FAM120B: variants seen among roughly 807,000 people sequenced by gnomAD.
The protein encoded by FAM120B is constitutive coactivator of peroxisome proliferator-activated receptor gamma.
FAM120B carries 83 observed loss-of-function variants against 96.3 expected under a neutral mutation model. The observed-to-expected ratio is 0.86, with a 90% CI of 0.72 to 1.03. The LOEUF (loss-of-function observed/expected upper bound fraction) is 1.03. Among genes scored for constraint, FAM120B ranks in the 50% least tolerant of loss-of-function variants. The pLI is 0.00. For missense variants in FAM120B, 1,027 were observed against 1,121.2 expected (o/e 0.92, Z 1.20); for synonymous variants, 407 against 402.7 (o/e 1.01, Z -0.13).
At chr6:170,388,571 T>C (rs1790323289) in intron 7 of FAM120B, 78 bp downstream of exon 7, 1 of 1,272,096 alleles carries the variant, frequency 7.9e-7, no homozygotes, top group African/African-American at 1.5e-5. Flanking sequence ...AAGTCGGCTG[T>C]TGCATTTTTC....
chr6:170,390,878 G>A (rs1397922656), intron 7 of FAM120B, 135 bp from the exon 8 acceptor site: 1 of 700,950 alleles, frequency 1.4e-6, no homozygotes, highest in Non-Finnish European at 2.6e-6. Context: ...TCTGGGAGGA[G>A]GGTGCAGCCA....
At chr6:170,388,245 A>T in intron 6 of FAM120B, 42 bp from the exon 7 acceptor site, 1 of 1,558,920 alleles carries the variant, frequency 6.4e-7, no homozygotes, top group Non-Finnish European at 8.8e-7. Flanking sequence ...TGCATGTGTG[A>T]CTCCTGTCTT....
chr6:170,396,972 G>C (rs910864563), intron 9 of FAM120B, among the ~76,000 whole-genome samples: 1 of 152,268 alleles, frequency 6.6e-6, no homozygotes, highest in South Asian at 2.1e-4. Context: ...TGCATGTGCT[G>C]TGGCTTTCCA....
chr6:170,340,096 T>C (rs530452741), intron 4 of FAM120B, among the ~76,000 whole-genome samples: 256 of 152,322 alleles, frequency 1.7e-3, no homozygotes, highest in Non-Finnish European at 3.0e-3. Context: ...TCCAACCTGG[T>C]TCCATTCTCC....
rs574898558 is a variant in FAM120B at position 170,329,671 on chromosome 6, T to G, written c.1916-778T>G. Among the ~76,000 whole-genome samples the G allele has an allele frequency of 2.6e-5, 4 of 152,278 alleles. No homozygotes were observed. In the South Asian group the frequency reaches 8.3e-4, roughly 32 times the overall value. On this transcript the variant is annotated intron_variant, in intron 3 of 10. Transcript: ENST00000476287. ...GCGAATCTCTGTTGTCTCAGTTCTC[T>G]CCTGGAAGTGCTGTGAAATGCAGGT... is the stretch of plus-strand genomic sequence containing the variant.
At chr6:170,291,172 T>A (rs1783860289), upstream of FAM120B, 2 of 410,664 alleles carry the variant, frequency 4.9e-6, no homozygotes, top group Non-Finnish European at 9.2e-6. Flanking sequence ...CCTTCCTCCC[T>A]CACCACACAA....
intron 6 of FAM120B, among the ~76,000 whole-genome samples, chr6:170,385,071 C>G (rs1790114902): frequency 6.6e-6 from 1 of 152,188 alleles, no homozygotes; most frequent in South Asian, 2.1e-4. Flanking sequence ...GGAAATCTAC[C>G]AGAATTGACT....
At chr6:170,374,573 G>A (rs898181676) in intron 6 of FAM120B, among the ~76,000 whole-genome samples, 2 of 152,172 alleles carry the variant, frequency 1.3e-5, no homozygotes, top group East Asian at 1.9e-4. Flanking sequence ...TTACCCACAC[G>A]TAACACTCGT....
At chr6:170,300,546 G>A (rs932373876) in intron 1 of FAM120B, among the ~76,000 whole-genome samples, 1 of 152,124 alleles carries the variant, frequency 6.6e-6, no homozygotes, top group African/African-American at 2.4e-5. Context: ...GTCCCCCAAA[G>A]TCTTAACTCA....
chr6:170,394,102 TC>T (rs1390492178), intron 8 of FAM120B, among the ~76,000 whole-genome samples: 1 of 152,132 alleles, frequency 6.6e-6, no homozygotes, highest in African/African-American at 2.4e-5. Flanking sequence ...ATGTCACCAG[TC>T]CTGCAGACCA....
At chr6:170,328,350 A>G (rs1042708816) in intron 3 of FAM120B, among the ~76,000 whole-genome samples, 24 of 152,228 alleles carry the variant, frequency 1.6e-4, no homozygotes, top group African/African-American at 5.5e-4. Context: ...TCAAGGCTTC[A>G]CCAGAAATGT....
chr6:170,404,311 G>C (rs9295406), intron 9 of FAM120B: 51,899 of 497,094 alleles, frequency 0.1, 3,297 homozygotes, highest in African/African-American at 0.21. Context: ...CTGGTGTGAA[G>C]AGGAACAACT....
intron 6 of FAM120B, among the ~76,000 whole-genome samples, chr6:170,383,920 A>G (rs879939458): frequency 1.3e-5 from 2 of 152,224 alleles, no homozygotes; most frequent in African/African-American, 4.8e-5. Flanking sequence ...CATCCATGCC[A>G]TGAAGCACAA....
chr6:170,322,793 A>T (rs1785378866), intron 2 of FAM120B, among the ~76,000 whole-genome samples: 1 of 152,126 alleles, frequency 6.6e-6, no homozygotes, highest in African/African-American at 2.4e-5. Context: ...AGAAGTAGTG[A>T]GCACCTGGTT....
intron 4 of FAM120B, among the ~76,000 whole-genome samples, chr6:170,333,773 A>G (rs1786226085): frequency 6.7e-6 from 1 of 149,892 alleles, no homozygotes; most frequent in Non-Finnish European, 1.5e-5. Context: ...GGCGTCAGCC[A>G]CTGCCCAGCG....
At chr6:170,364,842 C>G (rs1788672441) in intron 6 of FAM120B, among the ~76,000 whole-genome samples, 1 of 152,236 alleles carries the variant, frequency 6.6e-6, no homozygotes, top group African/African-American at 2.4e-5. Flanking sequence ...TCTCACCCCT[C>G]TGTTACCTGG....
chr6:170,325,535 T>TA (rs5881868), intron 3 of FAM120B, among the ~76,000 whole-genome samples: 28,359 of 139,092 alleles, frequency 0.2, 3,442 homozygotes, highest in East Asian at 0.59. Flanking sequence ...GATTTACCTT[T>TA]AAAAAAAAAA....
At position 170,295,388 on chromosome 6, in the gene FAM120B, G is replaced by A. The variant is rs756508031; in HGVS notation, c.-18G>A. 1 of 701,142 alleles carries A rather than the reference G, an allele frequency of 1.4e-6. No homozygotes were observed. Among genetic ancestry groups the A allele is most frequent in the Non-Finnish European group, 2.6e-6 (1 of 384,366 alleles). The allele number at this position is 701,142 out of a possible 1,614,324, so 43.4% of individuals were successfully genotyped here. On this transcript the variant is annotated 5_prime_UTR_variant, in exon 1 of 11. Transcript: ENST00000537664. This position sits in a 1 kb window ranked among gnomAD's most constrained non-coding sequence, Gnocchi z 7.8. ...GTTCGTCACAGCCTGGAAAAGGGAG[G>A]GGGCATCGATCTGGTTTATGTTTGG... is the stretch of plus-strand genomic sequence containing the variant.
Position 170,300,731 on chromosome 6 carries a change from C to T in FAM120B, c.48+5278C>T, listed in dbSNP as rs535934418. 1.3e-4 allele frequency among the ~76,000 whole-genome samples: 20 copies of T among 152,328 alleles called. No homozygotes were observed. The South Asian group carries it at 3.3e-3, about 25-fold the overall frequency. On this transcript the variant is annotated intron_variant, in intron 1 of 10. Coordinates refer to the FAM120B transcript ENST00000537664. The stretch of plus-strand genomic sequence containing the variant: ...GGAGACACTGGCCAAAACAAAGGGA[C>T]CACAGGCCCCATGCAAGTCCAAAAT...
Sources: allele counts gnomAD v4.1 joint callset (sites outside exome capture counted in the v4.1 genomes callset), GRCh38; gene constraint gnomAD v4.1.1; non-coding constraint Gnocchi (gnomAD v3.1); transcripts MANE v1.5; gene names NCBI Gene and HGNC (gene_info 2026-07-23, HGNC 2026-07-21).